Variants in ZNF578 observed in about 807,000 individuals in gnomAD.
ZNF578 encodes the protein Putative chemokine-related protein B42.
A neutral mutation model predicts 8.3 loss-of-function variants in ZNF578; 8 were observed. The ratio of observed to expected loss-of-function variants is 0.96; its 90% CI spans 0.56 to 1.74. ZNF578 has a LOEUF of 1.74. Ranked by LOEUF, ZNF578 falls within the 40% of genes most tolerant of loss-of-function variation. ZNF578 has a pLI of 0.00. For synonymous variants in ZNF578, 206 were observed against 232.2 expected (o/e 0.89, Z 1.03); for missense variants, 726 against 707.5 (o/e 1.03, Z -0.30).
chr19:52,509,924 C>T (rs1309938682), intron 5 of ZNF578, among the ~76,000 whole-genome samples: 1 of 150,486 alleles, frequency 6.6e-6, no homozygotes, highest in African/African-American at 2.4e-5. Flanking sequence ...CTTTGTTGCC[C>T]AGTGTGGAGT....
At chr19:52,508,618 G>C (rs189940166) in intron 5 of ZNF578, among the ~76,000 whole-genome samples, 1 of 151,556 alleles carries the variant, frequency 6.6e-6, no homozygotes, top group South Asian at 2.1e-4. Context: ...ACCAACAGGA[G>C]AAACCCCATC....
rs746078934 is a variant in ZNF578 at position 52,501,863 on chromosome 19, A to C, written c.18A>C (p.Ala6=). 6.2e-7 allele frequency: 1 copy of C among 1,613,590 alleles called. No homozygotes were observed. The highest frequency in any genetic ancestry group is 8.5e-7 in the Non-Finnish European group (1 of 1,179,776). Reference sequence around the variant, plus strand: ...AAAGACTCATGTTACATGAGGAAGCAGCTCAGAAGAGGAAAGGAAAGGAGC... The same window carrying C: ...AAAGACTCATGTTACATGAGGAAGCCGCTCAGAAGAGGAAAGGAAAGGAGC... MLHEE[A]AQKRKGKEPG... is the part of the protein sequence containing the mutation. The change falls in exon 4 of 6, where the codon GCA becomes GCC. Residue 6 remains alanine (A), a synonymous_variant. Transcript: ENST00000421239.
At chr19:52,460,739 C>T (rs2059255281) in intron 2 of ZNF578, among the ~76,000 whole-genome samples, 1 of 152,106 alleles carries the variant, frequency 6.6e-6, no homozygotes, top group Non-Finnish European at 1.5e-5. Context: ...AGGTTTTCTT[C>T]TATCCTAGTT....
rs2059454695 is a variant in ZNF578 at position 52,512,827 on chromosome 19, T to C, written c.*673T>C. On this transcript the variant is annotated 3_prime_UTR_variant, in exon 6 of 6. Coordinates refer to ENST00000421239, the MANE Select transcript of ZNF578 (RefSeq NM_001099694.2). ...ACATTGGAGTCAATTCAGCATTGACTTGAGTTTGTGTTGACTTAACATTGA... is the reference window on the plus strand; with the variant it reads ...ACATTGGAGTCAATTCAGCATTGACCTGAGTTTGTGTTGACTTAACATTGA... Among the ~76,000 whole-genome samples, 1 of 152,180 alleles carries C rather than the reference T, an allele frequency of 6.6e-6. No homozygotes were observed. Among genetic ancestry groups the C allele is most frequent in the South Asian group, 2.1e-4 (1 of 4,832 alleles).
chr19:52,483,459 A>G (rs2059334361), intron 2 of ZNF578, among the ~76,000 whole-genome samples: 1 of 152,212 alleles, frequency 6.6e-6, no homozygotes, highest in Non-Finnish European at 1.5e-5. Flanking sequence ...CACGAGTCCT[A>G]TTCACGTGTA....
At chr19:52,485,215 T>C (rs2059340695) in intron 2 of ZNF578, among the ~76,000 whole-genome samples, 1 of 152,120 alleles carries the variant, frequency 6.6e-6, no homozygotes, top group Admixed American at 6.5e-5. Flanking sequence ...ACTTTTGTGC[T>C]TTTGTCATCC....
chr19:52,499,545 T>G (rs2059398958), intron 3 of ZNF578, among the ~76,000 whole-genome samples: 1 of 152,342 alleles, frequency 6.6e-6, no homozygotes, highest in Non-Finnish European at 1.5e-5. Flanking sequence ...GAATGTGTAC[T>G]TCCGAAAACT....
rs550460739 is a variant in ZNF578 at position 52,495,835 on chromosome 19, G to C, written c.-20+4410G>C. ...CAGAGGACAGTGACTTGACTCATTCGTTGTGGATCACCCTCTTCCCTTTTC... is the reference window on the plus strand; with the variant it reads ...CAGAGGACAGTGACTTGACTCATTCCTTGTGGATCACCCTCTTCCCTTTTC... On this transcript the variant is annotated intron_variant, in intron 3 of 5. Transcript: ENST00000421239. 4.0e-4 allele frequency among the ~76,000 whole-genome samples: 61 copies of C among 151,250 alleles called. 1 individual carries two copies. The highest frequency in any genetic ancestry group is 7.7e-4 in the Non-Finnish European group (52 of 67,592).
chr19:52,511,054 C>A lies in ZNF578; in HGVS notation c.673C>A (p.His225Asn), dbSNP rs557490627. 6.2e-7 allele frequency: 1 copy of A among 1,614,176 alleles called. No homozygotes were observed. The change falls in exon 6 of 6, where the codon CAC (histidine) becomes AAC (asparagine). Residue 225 changes from histidine to asparagine, a missense_variant. Transcript: ENST00000421239. ...ATTACTCACACAAAAACAGGAAGTA[C>A]ACATGAGAGAAAAATCTTTCCAATG... ...SSLLTQKQEV[H>N]MREKSFQCNE...
intron 2 of ZNF578, among the ~76,000 whole-genome samples, chr19:52,483,541 G>C (rs2059334714): frequency 6.6e-6 from 1 of 152,200 alleles, no homozygotes; most frequent in African/African-American, 2.4e-5. Flanking sequence ...TAAGAACTCT[G>C]AACATCCCTT....
chr19:52,469,162 T>TTTTTG, intron 2 of ZNF578, among the ~76,000 whole-genome samples: 1 of 44,736 alleles, frequency 2.2e-5, no homozygotes, highest in Non-Finnish European at 6.8e-5. Context: ...GAGTGGTTTT[T>TTTTTG]TTTTGTTTTT....
At chr19:52,501,460 T>C (rs1208909360) in intron 3 of ZNF578, among the ~76,000 whole-genome samples, 1 of 152,224 alleles carries the variant, frequency 6.6e-6, no homozygotes, top group Non-Finnish European at 1.5e-5. Flanking sequence ...ATGGAAGCTC[T>C]GAGTCCTGCA....
chr19:52,471,479 T>A (rs989388516), intron 2 of ZNF578, among the ~76,000 whole-genome samples: 1 of 152,150 alleles, frequency 6.6e-6, no homozygotes, highest in Non-Finnish European at 1.5e-5. Flanking sequence ...ACCTCTGCAC[T>A]CCCTCTTTGT....
intron 2 of ZNF578, among the ~76,000 whole-genome samples, chr19:52,461,826 C>T (rs79565115): frequency 6.6e-6 from 1 of 152,100 alleles, no homozygotes; most frequent in Non-Finnish European, 1.5e-5. Context: ...ATTGGGCCAT[C>T]ATTAACTTCC....
rs1350052095 is a variant in ZNF578, at chr19:52,513,916, T to G, written c.*1762T>G. On this transcript the variant is annotated 3_prime_UTR_variant, in exon 6 of 6. Transcript: ENST00000421239. Reference sequence around the variant, plus strand: ...GGTGTGCACCTTTAGTTCCAGCTACTTGGGACACTGAGGCATGAGAATCAC... The same window carrying G: ...GGTGTGCACCTTTAGTTCCAGCTACGTGGGACACTGAGGCATGAGAATCAC... Among the ~76,000 whole-genome samples the G allele has an allele frequency of 3.9e-5, 6 of 152,152 alleles. No individual in the cohort carries two copies. In the South Asian group the frequency reaches 6.2e-4, roughly 16 times the overall value.
chr19:52,463,004 A>G (rs865835130), intron 2 of ZNF578, among the ~76,000 whole-genome samples: 5 of 152,164 alleles, frequency 3.3e-5, no homozygotes, highest in Non-Finnish European at 5.9e-5. Flanking sequence ...ATCCTGGGAG[A>G]TGTTCAAAAA....
intron 2 of ZNF578, among the ~76,000 whole-genome samples, chr19:52,488,384 C>G (rs112197485): frequency 0.034 from 5,154 of 151,950 alleles, 324 homozygotes; most frequent in African/African-American, 0.12. Flanking sequence ...GAAACTCAAT[C>G]TCTACTAAAA....
chr19:52,467,292 G>C (rs796876336), intron 2 of ZNF578, among the ~76,000 whole-genome samples: 8 of 152,202 alleles, frequency 5.3e-5, no homozygotes, highest in African/African-American at 1.9e-4. Context: ...TGTGATTACA[G>C]GCATGAACCA....
At chr19:52,506,717 G>T (rs1353558236) in intron 5 of ZNF578, among the ~76,000 whole-genome samples, 4 of 152,072 alleles carry the variant, frequency 2.6e-5, no homozygotes, top group African/African-American at 9.7e-5. Flanking sequence ...TGATCCACCT[G>T]CCCATTATGC....
Sources: allele counts gnomAD v4.1 joint callset (sites outside exome capture counted in the v4.1 genomes callset), GRCh38; gene constraint gnomAD v4.1.1; transcripts MANE v1.5; gene names NCBI Gene and HGNC (gene_info 2026-07-23, HGNC 2026-07-21).